The following HSD17B11 variants were observed in gnomAD, a reference collection of about 807,000 sequenced individuals.
HSD17B11 encodes the protein estradiol 17-beta-dehydrogenase 11.
Under a neutral mutation model 27.8 loss-of-function variants are expected in HSD17B11, and 22 were observed. The ratio of observed to expected loss-of-function variants is 0.79; its 90% CI spans 0.56 to 1.13. The LOEUF (loss-of-function observed/expected upper bound fraction) is 1.13. Ranked by LOEUF, HSD17B11 falls within the 50% of genes most tolerant of loss-of-function variation. The pLI is 0.00. For missense variants in HSD17B11, 314 were observed against 351.1 expected (o/e 0.89, Z 0.84); for synonymous variants, 117 against 132.8 (o/e 0.88, Z 0.82).
In HSD17B11 at chr4:87,336,822, A is replaced by C. The variant is rs796140903; in HGVS notation, c.*454T>G. The C allele has an allele frequency of 6.9e-5, 11 of 159,954 alleles. No homozygotes were observed. Among genetic ancestry groups the C allele is most frequent in the African/African-American group, 2.6e-4 (11 of 41,626 alleles). The allele number at this position is 159,954 out of a possible 1,614,324, so 9.9% of individuals were successfully genotyped here. A position where few individuals can be genotyped will look rare whatever the true frequency, so the allele number is the denominator to read the frequency against. ...TACCCATTGAGAGTTCATGATATTC[A>C]TTGTGAAATACCACTAGATATAGTC... On this transcript the variant is annotated 3_prime_UTR_variant, in exon 7 of 7. Transcript: ENST00000358290.
intron 2 of HSD17B11, among the ~76,000 whole-genome samples, chr4:87,381,003 T>C (rs942822268): frequency 6.7e-6 from 1 of 148,294 alleles, no homozygotes; most frequent in African/African-American, 2.5e-5. Context: ...CTGGCCAACA[T>C]AGTGAAACCC....
chr4:87,380,772 G>T (rs188704374), intron 2 of HSD17B11, among the ~76,000 whole-genome samples: 37 of 148,138 alleles, frequency 2.5e-4, no homozygotes, highest in African/African-American at 8.7e-4. Context: ...GCAGGAGAAT[G>T]GGGTGAACCC....
chr4:87,336,797 T>C lies in HSD17B11; in HGVS notation c.*479A>G, dbSNP rs1735065741. ...GAGTGGCAATGGGTAGGATGAAACC[T>C]ACCCATTGAGAGTTCATGATATTCA... On this transcript the variant is annotated 3_prime_UTR_variant, in exon 7 of 7. Coordinates refer to ENST00000358290, the MANE Select transcript of HSD17B11 (RefSeq NM_016245.5). 1 of 156,694 alleles carries C rather than the reference T, an allele frequency of 6.4e-6. No individual in the cohort carries two copies. The highest frequency in any genetic ancestry group is 1.4e-5 in the Non-Finnish European group (1 of 71,192). 9.7% of individuals were successfully genotyped at this position (156,694 alleles called of 1,614,324 possible).
At chr4:87,379,783 GTATAT>G (rs71667846) in intron 2 of HSD17B11, among the ~76,000 whole-genome samples, 36,218 of 118,072 alleles carry the variant, frequency 0.31, 4,721 homozygotes, top group Admixed American at 0.37. Flanking sequence ...TATAGTAATA[GTATAT>G]TATAGTATAA....
chr4:87,353,732 G>C (rs1469090837), intron 5 of HSD17B11, among the ~76,000 whole-genome samples: 1 of 97,380 alleles, frequency 1.0e-5, no homozygotes, highest in Non-Finnish European at 2.9e-5. Context: ...CGGCCTTGTA[G>C]GGGGGGCAAG....
rs1560769667 is a variant in HSD17B11, at chr4:87,378,948, T to TATATATA, written c.318+3306_318+3307insTATATAT. Among the ~76,000 whole-genome samples the TATATATA allele has an allele frequency of 6.3e-4, 10 of 15,854 alleles. 1 individual carries two copies. The highest frequency in any genetic ancestry group is 5.0e-3 in the African/African-American group (10 of 1,988). 10.4% of individuals were successfully genotyped at this position (15,854 alleles called of 152,430 possible). A position where few individuals can be genotyped will look rare whatever the true frequency, so the allele number is the denominator to read the frequency against. On this transcript the variant is annotated intron_variant, in intron 2 of 6. Transcript: ENST00000358290. ...TATATAAATATATATATATATATAT[T>TATATATA]TATATATATATATTTTTTTTTTTTT...
At chr4:87,344,906 T>TGA (rs1268726863) in intron 5 of HSD17B11, among the ~76,000 whole-genome samples, 1 of 151,878 alleles carries the variant, frequency 6.6e-6, no homozygotes, top group African/African-American at 2.4e-5. Context: ...ATGAGACAAA[T>TGA]GAGAAACCAC....
intron 5 of HSD17B11, among the ~76,000 whole-genome samples, chr4:87,341,834 C>A (rs1474790618): frequency 6.6e-6 from 1 of 151,894 alleles, no homozygotes; most frequent in Non-Finnish European, 1.5e-5. Flanking sequence ...CCACTGCATT[C>A]CAGCCTGGAC....
intron 4 of HSD17B11, among the ~76,000 whole-genome samples, chr4:87,364,070 T>A (rs9996312): frequency 0.38 from 57,980 of 152,068 alleles, 11,349 homozygotes; most frequent in Non-Finnish European, 0.43. Context: ...AAGGCCTTTA[T>A]GTTTTTCTCT....
At chr4:87,364,773 G>T (rs1015554311) in intron 4 of HSD17B11, among the ~76,000 whole-genome samples, 2 of 152,210 alleles carry the variant, frequency 1.3e-5, no homozygotes, top group Admixed American at 1.3e-4. Flanking sequence ...AGATCTGTCT[G>T]CCTTCAGCTG....
At chr4:87,389,640 T>C (rs143388134) in intron 1 of HSD17B11, among the ~76,000 whole-genome samples, 51 of 152,348 alleles carry the variant, frequency 3.3e-4, no homozygotes, top group Admixed American at 1.0e-3. Context: ...TATTTGTTGA[T>C]TGCTGTCTTC....
At chr4:87,364,667 G>A (rs934860872) in intron 4 of HSD17B11, among the ~76,000 whole-genome samples, 2 of 152,216 alleles carry the variant, frequency 1.3e-5, no homozygotes, top group African/African-American at 4.8e-5. Flanking sequence ...GCAATGAAAT[G>A]CACAGTCGGT....
In HSD17B11 at chr4:87,374,836, A is replaced by G; in HGVS notation, c.319-6T>C. On this transcript the variant is annotated splice_polypyrimidine_tract_variant and splice_region_variant and intron_variant, in intron 2 of 6. Transcript: ENST00000358290. ...TCTCCAATTTCTGCCTTCACCTTCA[A>G]AAAATAAAATAAGAAAAGTAAATTC... is the stretch of plus-strand genomic sequence containing the variant. 1 of 1,555,114 alleles carries G rather than the reference A, an allele frequency of 6.4e-7. No homozygotes were observed. Among genetic ancestry groups the G allele is most frequent in the Non-Finnish European group, 8.7e-7 (1 of 1,147,640 alleles).
Position 87,382,330 on chromosome 4 carries a change from C to T in HSD17B11, c.243G>A (p.Lys81=). 6.2e-7 allele frequency: 1 copy of T among 1,613,858 alleles called. No homozygotes were observed. The change falls in exon 2 of 7, where the codon AAG becomes AAA. Residue 81 remains lysine, a synonymous_variant. Transcript: ENST00000358290. The part of the protein sequence containing the change: ...HGLEETAAKC[K]GLGAKVHTFV... The stretch of plus-strand genomic sequence containing the variant: ...AGGTATGAACCTTGGCACCCAGTCC[C>T]TTGCATTTGGCAGCTGTTTCCTCCA...
intron 1 of HSD17B11, chr4:87,385,953 T>C (rs1168284437): frequency 6.6e-6 from 1 of 152,044 alleles, no homozygotes; most frequent in African/African-American, 2.4e-5. Context: ...GATTGGGTCT[T>C]CTCTTTTTTG....
At chr4:87,344,978 G>A (rs957722706) in intron 5 of HSD17B11, among the ~76,000 whole-genome samples, 1 of 152,180 alleles carries the variant, frequency 6.6e-6, no homozygotes, top group South Asian at 2.1e-4. Context: ...AAGATTTATG[G>A]GATGAGGTGA....
At chr4:87,387,589 A>C (rs1368190786) in intron 1 of HSD17B11, among the ~76,000 whole-genome samples, 1 of 152,164 alleles carries the variant, frequency 6.6e-6, no homozygotes, top group Non-Finnish European at 1.5e-5. Flanking sequence ...CTATAATTTC[A>C]AATCTATAAA....
rs1292718283 is a variant in HSD17B11 at position 87,378,893 on chromosome 4, TAA to T, written c.318+3360_318+3361del. Among the ~76,000 whole-genome samples, 105 of 14,790 alleles carry T rather than the reference TAA, an allele frequency of 7.1e-3. 9 individuals carry two copies. The highest frequency in any genetic ancestry group is 0.031 in the African/African-American group (85 of 2,722). The allele number at this position is 14,790 out of a possible 152,430, so 9.7% of individuals were successfully genotyped here. A position where few individuals can be genotyped will look rare whatever the true frequency, so the allele number is the denominator to read the frequency against. On this transcript the variant is annotated intron_variant, in intron 2 of 6. Coordinates refer to ENST00000358290, the MANE Select transcript of HSD17B11 (RefSeq NM_016245.5). ...ATATATATATATAAATATATATATA[TAA>T]ATATATATAAATATATATATATAAA...
In HSD17B11 at chr4:87,337,271, G is replaced by A; in HGVS notation, c.*5C>T. ...TGGTAAATCAGTTTTCAGAAAACTAGGTGCTTATTGCGCTTTCATTTTATA... is the reference window on the plus strand; with the variant it reads ...TGGTAAATCAGTTTTCAGAAAACTAAGTGCTTATTGCGCTTTCATTTTATA... On this transcript the variant is annotated 3_prime_UTR_variant, in exon 7 of 7. Transcript: ENST00000358290. 6.4e-7 allele frequency: 1 copy of A among 1,564,166 alleles called. No individual in the cohort carries two copies. Among genetic ancestry groups the A allele is most frequent in the Non-Finnish European group, 8.8e-7 (1 of 1,136,188 alleles).
Sources: gnomAD v4.1 joint callset for allele counts (sites outside exome capture counted in the v4.1 genomes callset) on GRCh38, gnomAD v4.1.1 for gene constraint, MANE v1.5 for transcripts, NCBI Gene and HGNC (gene_info 2026-07-23, HGNC 2026-07-21) for gene names.